SLC43A1: variants seen among roughly 807,000 people sequenced by gnomAD.
The protein encoded by SLC43A1 is large neutral amino acids transporter small subunit 3.
SLC43A1 carries 31 observed loss-of-function variants against 59.5 expected under a neutral mutation model. The observed-to-expected ratio is 0.52, with a 90% CI of 0.39 to 0.70. The LOEUF is 0.70. Among genes scored for constraint, SLC43A1 ranks in the 30% least tolerant of loss-of-function variants. The pLI is 0.00. For missense variants in SLC43A1, 598 were observed against 717.8 expected (o/e 0.83, Z 1.91); for synonymous variants, 259 against 290.9 (o/e 0.89, Z 1.12).
In SLC43A1 at chr11:57,488,956, C is replaced by G; in HGVS notation, c.1369G>C (p.Gly457Arg). The G allele has an allele frequency of 1.9e-6, 3 of 1,614,198 alleles. No homozygotes were observed. Among genetic ancestry groups the G allele is most frequent in the Non-Finnish European group, 2.5e-6 (3 of 1,180,032 alleles). ...VTFVLHTIVRGFFHSACGSLY... is the reference protein window; with the variant it reads ...VTFVLHTIVRRFFHSACGSLY... ...CTCCCACAGGCTGAGTGGAAGAAAC[C>G]TCGAACAATGGTGTGCAGGACAAAG... The change falls in exon 13 of 15, where the codon GGT becomes CGT. Residue 457 changes from glycine to arginine, a missense_variant. Transcript: ENST00000278426.
intron 2 of SLC43A1, among the ~76,000 whole-genome samples, chr11:57,502,680 G>A (rs1042853739): frequency 6.6e-6 from 1 of 152,072 alleles, no homozygotes; most frequent in African/African-American, 2.4e-5. Flanking sequence ...AGACCAGCCT[G>A]AGCAACATTG....
chr11:57,494,236 T>C, intron 7 of SLC43A1, 65 bp from the exon 8 acceptor site: 1 of 1,512,310 alleles, frequency 6.6e-7, no homozygotes, highest in Middle Eastern at 2.4e-4. Context: ...AACGGCCTAG[T>C]GCTCGGCGGC....
At position 57,496,205 on chromosome 11, in the gene SLC43A1, G is replaced by A. The variant is rs1450977787; in HGVS notation, c.559-41C>T. On this transcript the variant is annotated intron_variant, in intron 6 of 14. Transcript: ENST00000278426. ...GCAGGCCCGTGGGGGAGACTGCCTG[G>A]CCCCAGACCCCACCAAGGTAGATCC... is the stretch of plus-strand genomic sequence containing the variant. The A allele has an allele frequency of 1.9e-6, 3 of 1,608,888 alleles. No individual in the cohort carries two copies. The South Asian group carries it at 3.3e-5, about 18-fold the overall frequency.
intron 14 of SLC43A1, among the ~76,000 whole-genome samples, chr11:57,486,582 G>A (rs554527490): frequency 2.0e-5 from 3 of 150,778 alleles, no homozygotes; most frequent in Admixed American, 6.6e-5. Flanking sequence ...GGCAGATCAC[G>A]AGGTCGGGAG....
At chr11:57,493,202 C>T (rs1019101752) in intron 8 of SLC43A1, among the ~76,000 whole-genome samples, 12 of 152,206 alleles carry the variant, frequency 7.9e-5, no homozygotes, top group African/African-American at 2.9e-4. Flanking sequence ...ATGACTTGCT[C>T]AAGCTCACAG....
At chr11:57,501,449 C>T in intron 2 of SLC43A1, 120 bp from the exon 3 acceptor site, 6 of 972,212 alleles carry the variant, frequency 6.2e-6, no homozygotes, top group South Asian at 3.0e-5. Context: ...TTGGGGGTAC[C>T]CTAGAGTCAC....
Position 57,514,030 on chromosome 11 carries a change from C to A in SLC43A1, c.82G>T (p.Ala28Ser). 1 of 1,608,944 alleles carries A rather than the reference C, an allele frequency of 6.2e-7. No homozygotes were observed. The highest frequency in any genetic ancestry group is 1.1e-5 in the South Asian group (1 of 89,912). Residue 28 changes from alanine to serine, a missense_variant, in exon 2 of 15, where the codon GCT becomes TCT. Physicochemically the swap from Ala to Ser is moderately conservative, Grantham distance 99 (BLOSUM62 1). Transcript: ENST00000278426. The surrounding 1 kb of genome is among the most constrained non-coding windows in gnomAD (Gnocchi z 5.5). ...TAVLENLFFS[A>S]VLLGWGSLLI... ...AGGGAGCCCCAGCCCAGGAGTACAG[C>A]AGAGAAGAAGAGGTTCTCCAGCACA...
rs748674580 is a variant in SLC43A1, at chr11:57,487,227, G to C, written c.1410-9C>G. ...AGTGGTTGGATGGGAACCTGTCCAC[G>C]AGACGGGGAGTATCAGGGGTGTGTG... On this transcript the variant is annotated splice_polypyrimidine_tract_variant and intron_variant, in intron 13 of 14. Coordinates refer to ENST00000278426, the MANE Select transcript of SLC43A1 (RefSeq NM_003627.6). 6.2e-7 allele frequency: 1 copy of C among 1,611,102 alleles called. No individual in the cohort carries two copies. Among genetic ancestry groups the C allele is most frequent in the Non-Finnish European group, 8.5e-7 (1 of 1,177,888 alleles).
In SLC43A1 at chr11:57,514,738, G is replaced by C; in HGVS notation, c.-13-614C>G. 2.4e-6 allele frequency: 2 copies of C among 820,412 alleles called. No homozygotes were observed. The highest frequency in any genetic ancestry group is 5.6e-5 in the South Asian group (1 of 18,012). The allele number at this position is 820,412 out of a possible 1,614,324, so 50.8% of individuals were successfully genotyped here. On this transcript the variant is annotated intron_variant, in intron 1 of 14. Transcript: ENST00000278426. The surrounding 1 kb of genome is among the most constrained non-coding windows in gnomAD (Gnocchi z 5.5). ...GCCACGTGGAGGGAGACCCAGGACG[G>C]GCTCTCCTCGGTTCCCTCCTCCCCC... is the stretch of plus-strand genomic sequence containing the variant.
At chr11:57,504,348 C>T (rs931002881) in intron 2 of SLC43A1, among the ~76,000 whole-genome samples, 1 of 152,172 alleles carries the variant, frequency 6.6e-6, no homozygotes, top group Non-Finnish European at 1.5e-5. Context: ...TACACCTGCC[C>T]TGCTTTACCC....
At chr11:57,512,839 A>C (rs1365796947) in intron 2 of SLC43A1, among the ~76,000 whole-genome samples, 1 of 152,152 alleles carries the variant, frequency 6.6e-6, no homozygotes, top group African/African-American at 2.4e-5. Context: ...CATCTGTTGC[A>C]TCTTTACAGA....
rs1011616805 is a variant in SLC43A1 at position 57,494,277 on chromosome 11, C to T, written c.693-106G>A. 1.4e-4 allele frequency: 150 copies of T among 1,034,564 alleles called. 1 individual carries two copies. The South Asian group carries it at 1.7e-3, about 12-fold the overall frequency. The allele number at this position is 1,034,564 out of a possible 1,614,324, so 64.1% of individuals were successfully genotyped here. On this transcript the variant is annotated intron_variant, in intron 7 of 14. Coordinates refer to ENST00000278426, the MANE Select transcript of SLC43A1 (RefSeq NM_003627.6). ...CAGCGGTTTCCAGCACTCCTTTACC[C>T]GGCATTGACATGCTCACAAGCTCCT...
Position 57,499,408 on chromosome 11 carries a change from C to CCT in SLC43A1, c.465+1369_465+1370dup, listed in dbSNP as rs1426371731. 3 of 152,284 alleles carry CCT rather than the reference C, an allele frequency of 2.0e-5. No homozygotes were observed. In the East Asian group the frequency reaches 5.8e-4, roughly 29 times the overall value. 9.4% of individuals were successfully genotyped at this position (152,284 alleles called of 1,614,324 possible). A position where few individuals can be genotyped will look rare whatever the true frequency, so the allele number is the denominator to read the frequency against. The stretch of plus-strand genomic sequence containing the variant: ...CCTGAAGTGGCTGGCTCAGGAAAAA[C>CCT]CTCTACCCACTCAGGCAGAGGTTTT... On this transcript the variant is annotated intron_variant, in intron 5 of 14. Transcript: ENST00000278426.
rs1057144633 is a variant in SLC43A1, at chr11:57,514,834, C to A, written c.-14+610G>T. 1.0e-6 allele frequency: 1 copy of A among 985,562 alleles called. No homozygotes were observed. The highest frequency in any genetic ancestry group is 1.2e-6 in the Non-Finnish European group (1 of 830,074). The allele number at this position is 985,562 out of a possible 1,614,324, so 61.1% of individuals were successfully genotyped here. ...CACCTCGGAACCCGCTTGCCCCCCT[C>A]CAGCCCCGGGAGGGGGCTCGGACTT... On this transcript the variant is annotated intron_variant, in intron 1 of 14. Transcript: ENST00000278426. This position sits in a 1 kb window ranked among gnomAD's most constrained non-coding sequence, Gnocchi z 5.5.
In SLC43A1 at chr11:57,491,828, G is replaced by T. The variant is rs372756120; in HGVS notation, c.906C>A (p.Pro302=). 1.7e-4 allele frequency: 270 copies of T among 1,614,134 alleles called. 2 individuals carry two copies. In the South Asian group the frequency reaches 2.7e-3, roughly 16 times the overall value. ...SVPLRKSLCS[P]TFLWSLLTMG... ...TGGTGAGGAGGCTCCACAGGAAAGT[G>T]GGGGAGCAGAGGCTCTTGCGTAAGG... Residue 302 remains proline (P), a synonymous_variant, in exon 9 of 15, where the codon CCC becomes CCA. Coordinates refer to ENST00000278426, the MANE Select transcript of SLC43A1 (RefSeq NM_003627.6).
chr11:57,511,763 T>C (rs1286480466), intron 2 of SLC43A1, among the ~76,000 whole-genome samples: 1 of 152,160 alleles, frequency 6.6e-6, no homozygotes, highest in Non-Finnish European at 1.5e-5. Context: ...TCAAAAACAT[T>C]ATGCTAAGTG....
At chr11:57,488,015 G>A (rs1943790866) in intron 13 of SLC43A1, among the ~76,000 whole-genome samples, 1 of 152,146 alleles carries the variant, frequency 6.6e-6, no homozygotes, top group South Asian at 2.1e-4. Context: ...GGCTTTTTAG[G>A]CCATAGTAAA....
At chr11:57,498,532 T>C (rs1418850544) in intron 5 of SLC43A1, among the ~76,000 whole-genome samples, 5 of 152,132 alleles carry the variant, frequency 3.3e-5, no homozygotes, top group Admixed American at 2.0e-4. Context: ...GGAGGAAAAG[T>C]GTACTCAAGT....
chr11:57,493,967 G>A, intron 8 of SLC43A1, 26 bp downstream of exon 8: 4 of 1,559,802 alleles, frequency 2.6e-6, no homozygotes, highest in Non-Finnish European at 3.5e-6. Flanking sequence ...TATCCCCCAA[G>A]GCCGGCACCT....
Sources: allele counts gnomAD v4.1 joint callset (sites outside exome capture counted in the v4.1 genomes callset), GRCh38; gene constraint gnomAD v4.1.1; non-coding constraint Gnocchi (gnomAD v3.1); transcripts MANE v1.5; gene names NCBI Gene and HGNC (gene_info 2026-07-23, HGNC 2026-07-21).